NXF1: variants seen among roughly 807,000 people sequenced by gnomAD.
NXF1 encodes mRNA export factor TAP.
Under a neutral mutation model 92.4 loss-of-function variants are expected in NXF1, and 43 were observed. The observed-to-expected ratio is 0.47, with a 90% CI of 0.36 to 0.60. NXF1 has a LOEUF of 0.60. NXF1 is among the 20% of genes least tolerant of loss of function. The probability of loss-of-function intolerance (pLI) is 0.00; values close to 1 mark genes in which losing one functional copy is unlikely to be tolerated. For missense variants in NXF1, 576 were observed against 793.0 expected (o/e 0.73, Z 3.29); for synonymous variants, 288 against 292.2 (o/e 0.99, Z 0.15).
At position 62,796,347 on chromosome 11, in the gene NXF1, T is replaced by A; in HGVS notation, c.1287-2A>T. On this transcript the variant is annotated splice_acceptor_variant, in intron 14 of 20. Transcript: ENST00000294172. LOFTEE classifies it high-confidence loss of function. ...TTGAAATACTCGGCTAAGCTGCTTCTGGGGGAATAAAAGGAATGGACGTGG... is the reference window on the plus strand; with the variant it reads ...TTGAAATACTCGGCTAAGCTGCTTCAGGGGGAATAAAAGGAATGGACGTGG... 6.2e-7 allele frequency: 1 copy of A among 1,614,152 alleles called. No individual in the cohort carries two copies. The highest frequency in any genetic ancestry group is 8.5e-7 in the Non-Finnish European group (1 of 1,180,032).
In NXF1 at chr11:62,802,272, A is replaced by T. The variant is rs752839684; in HGVS notation, c.370-12T>A. 1.2e-6 allele frequency: 2 copies of T among 1,610,674 alleles called. No homozygotes were observed. The highest frequency in any genetic ancestry group is 1.7e-6 in the Non-Finnish European group (2 of 1,177,064). On this transcript the variant is annotated splice_polypyrimidine_tract_variant and intron_variant, in intron 3 of 20. Coordinates refer to ENST00000294172, the MANE Select transcript of NXF1 (RefSeq NM_006362.5). ...CTGCCATAAGGAATCTAGAAATGAG[A>T]GAAAGAGAAAAGAAGGGAATGATAA...
At chr11:62,803,391 G>C (rs772910560) in intron 3 of NXF1, 28 bp downstream of exon 3, 1 of 1,605,340 alleles carries the variant, frequency 6.2e-7, no homozygotes, top group South Asian at 1.1e-5. Flanking sequence ...TATCTCTACT[G>C]TACCATCTAC....
chr11:62,795,510 T>G, intron 17 of NXF1: 1 of 270,548 alleles, frequency 3.7e-6, no homozygotes, highest in African/African-American at 2.2e-5. Context: ...ACTGATAGCA[T>G]CTGTATGCCA....
intron 16 of NXF1, 23 bp downstream of exon 16, chr11:62,796,043 G>C: frequency 6.2e-7 from 1 of 1,609,676 alleles, no homozygotes; most frequent in African/African-American, 1.3e-5. Context: ...CTAGGCTTCT[G>C]TCAGGCGCAA....
chr11:62,796,654 G>T, intron 13 of NXF1, 87 bp from the exon 14 acceptor site: 3 of 857,766 alleles, frequency 3.5e-6, no homozygotes, highest in Non-Finnish European at 3.8e-6. Flanking sequence ...AGTTGTGGCC[G>T]GGCATGGAAG....
intron 10 of NXF1, chr11:62,799,642 C>A: frequency 1.0e-6 from 1 of 985,716 alleles, no homozygotes; most frequent in Non-Finnish European, 1.2e-6. Context: ...GGCAGCGCCC[C>A]CGAGGGGGTC....
intron 11 of NXF1, among the ~76,000 whole-genome samples, chr11:62,797,898 TG>T (rs548450388): frequency 8.6e-5 from 13 of 151,750 alleles, no homozygotes; most frequent in Non-Finnish European, 1.9e-4. Context: ...GAGGCCAAGG[TG>T]GATGGATTAG....
intron 13 of NXF1, 74 bp from the exon 14 acceptor site, chr11:62,796,641 G>C: frequency 1.0e-6 from 1 of 998,694 alleles, no homozygotes; most frequent in South Asian, 1.3e-5. Context: ...GCTCCCAAGA[G>C]TGAGTTGTGG....
intron 11 of NXF1, among the ~76,000 whole-genome samples, 188 bp downstream of exon 11, chr11:62,798,351 T>A: frequency 6.6e-6 from 1 of 151,664 alleles, no homozygotes; most frequent in East Asian, 1.9e-4. Flanking sequence ...GGAGAATCGC[T>A]TGAACCTGGG....
intron 1 of NXF1, chr11:62,804,325 T>G (rs1395383341): frequency 1.6e-6 from 1 of 642,244 alleles, no homozygotes; most frequent in Non-Finnish European, 2.3e-6. Flanking sequence ...GTCTATACAG[T>G]GCAGACGCCA....
chr11:62,800,036 T>C (rs1325721744), intron 10 of NXF1: 29 of 1,070,792 alleles, frequency 2.7e-5, no homozygotes, highest in African/African-American at 5.0e-5. Context: ...ACCCCATCTA[T>C]AGGGTATGTA....
At chr11:62,798,126 CAAAA>C (rs34495263) in intron 11 of NXF1, among the ~76,000 whole-genome samples, 2 of 98,600 alleles carry the variant, frequency 2.0e-5, no homozygotes, top group Non-Finnish European at 2.2e-5. Flanking sequence ...AGACTCCATC[CAAAA>C]AAAAAAAAAA....
intron 1 of NXF1, 125 bp from the exon 2 acceptor site, chr11:62,804,103 T>C (rs1490230408): frequency 6.3e-7 from 1 of 1,576,776 alleles, no homozygotes; most frequent in Non-Finnish European, 8.6e-7. Flanking sequence ...GCCATCTCCA[T>C]GCAAACTCCG....
chr11:62,795,803 A>G, intron 17 of NXF1, 98 bp downstream of exon 17: 4 of 1,213,262 alleles, frequency 3.3e-6, no homozygotes, highest in Non-Finnish European at 4.8e-6. Flanking sequence ...CTCAAAAAGA[A>G]AATGGGAGAG....
At position 62,797,248 on chromosome 11, in the gene NXF1, A is replaced by G. The variant is rs2084431291; in HGVS notation, c.1123-10T>C. On this transcript the variant is annotated splice_polypyrimidine_tract_variant and intron_variant, in intron 12 of 20. Coordinates refer to ENST00000294172, the MANE Select transcript of NXF1 (RefSeq NM_006362.5). ...TTCCAAAATAGCTTCCCTGAAATCA[A>G]ACAGGTATTAGGAACATGGAAGCAG... is the stretch of plus-strand genomic sequence containing the variant. 6.2e-7 allele frequency: 1 copy of G among 1,614,046 alleles called. No individual in the cohort carries two copies. The highest frequency in any genetic ancestry group is 8.5e-7 in the Non-Finnish European group (1 of 1,180,008).
In NXF1 at chr11:62,800,412, C is replaced by A. The variant is rs773310489; in HGVS notation, c.981G>T (p.Leu327=). ...LEELWLDGNS[L]CDTFRDQSTY... ...TGGACTGGTCTCGGAAGGTGTCACA[C>A]AGGGAGTTTCCATCGAGCCAGAGCT... The change falls in exon 10 of 21, where the codon CTG becomes CTT. Residue 327 remains leucine (L), a synonymous_variant. Coordinates refer to ENST00000294172, the MANE Select transcript of NXF1 (RefSeq NM_006362.5). The A allele has an allele frequency of 6.2e-7, 1 of 1,614,046 alleles. No individual in the cohort carries two copies. Among genetic ancestry groups the A allele is most frequent in the Non-Finnish European group, 8.5e-7 (1 of 1,179,994 alleles).
Position 62,798,568 on chromosome 11 carries a change from G to A in NXF1, c.1024C>T (p.Arg342Cys). The A allele has an allele frequency of 6.2e-7, 1 of 1,614,090 alleles. No individual in the cohort carries two copies. The highest frequency in any genetic ancestry group is 8.5e-7 in the Non-Finnish European group (1 of 1,179,978). The change falls in exon 11 of 21, where the codon CGC becomes TGC. Residue 342 changes from arginine to cysteine, a missense_variant. This residue lies in a region of NXF1 where 425 missense variants were observed against 635.2 expected (regional missense o/e 0.67). Coordinates refer to ENST00000294172, the MANE Select transcript of NXF1 (RefSeq NM_006362.5). ...RDQSTYISAI[R>C]ERFPKLLRLD... ...CGTAGTAACTTGGGAAATCGTTCGC[G>A]AATGGCGCTGTCAAGAACGGGACAG...
At chr11:62,798,670 C>T in intron 10 of NXF1, 95 bp from the exon 11 acceptor site, 1 of 1,582,360 alleles carries the variant, frequency 6.3e-7, no homozygotes, top group East Asian at 2.3e-5. Flanking sequence ...AGGGACAGCC[C>T]ATCCCATCCT....
In NXF1 at chr11:62,801,788, G is replaced by A; in HGVS notation, c.590C>T (p.Pro197Leu). 3 of 1,613,952 alleles carry A rather than the reference G, an allele frequency of 1.9e-6. No homozygotes were observed. The highest frequency in any genetic ancestry group is 2.5e-6 in the Non-Finnish European group (3 of 1,179,904). The stretch of plus-strand genomic sequence containing the variant: ...CTTCAGTTCATTCAGTATAGTGTGG[G>A]GTGGAGCAGAAGAGTTGATGATGAT... Reference protein sequence around the residue: ...ISIIINSSAPPHTILNELKPE... With the variant: ...ISIIINSSAPLHTILNELKPE... Residue 197 changes from proline (P) to leucine (L), a missense_variant, in exon 6 of 21, where the codon CCC becomes CTC. By Grantham distance (98) the Pro-to-Leu change is moderately conservative. Coordinates refer to ENST00000294172, the MANE Select transcript of NXF1 (RefSeq NM_006362.5).
Sources: gnomAD v4.1 joint callset for allele counts (sites outside exome capture counted in the v4.1 genomes callset) on GRCh38, gnomAD v4.1.1 for gene constraint, gnomAD v4.1.1 regional missense constraint, MANE v1.5 for transcripts, NCBI Gene and HGNC (gene_info 2026-07-23, HGNC 2026-07-21) for gene names.